The following ITPR1 variants were observed in gnomAD, a reference collection of about 807,000 sequenced individuals.
The protein encoded by ITPR1 is inositol 1,4,5-trisphosphate receptor type 1.
In ITPR1, 96 loss-of-function variants were observed where a neutral mutation model predicts 318.4. The observed-to-expected ratio is 0.30, with a 90% confidence interval of 0.26 to 0.36. The LOEUF is 0.36. Among genes scored for constraint, ITPR1 ranks in the 10% least tolerant of loss-of-function variants. The pLI is 1.00. For synonymous variants in ITPR1, 1,312 were observed against 1,289.9 expected (o/e 1.02, Z -0.37); for missense variants, 2,440 against 3,460.2 (o/e 0.71, Z 7.40).
rs1170056395 is a variant in ITPR1 at position 4,840,028 on chromosome 3, GCTTTTTTTTTTTTTTT to G, written c.8190+3094_8190+3109del. 8.1e-4 allele frequency among the ~76,000 whole-genome samples: 34 copies of G among 42,214 alleles called. No individual in the cohort carries two copies. The Admixed American group carries it at 0.011, about 14-fold the overall frequency. 27.7% of individuals were successfully genotyped at this position (42,214 alleles called of 152,430 possible). ...ATTACAGGAAAAATTCAGCATAGCTGCTTTTTTTTTTTTTTTTTTTTTTTTTTTTTGAGGGGGCAGG... is the reference window on the plus strand; with the variant it reads ...ATTACAGGAAAAATTCAGCATAGCTGTTTTTTTTTTTTTTGAGGGGGCAGG... On this transcript the variant is annotated intron_variant, in intron 61 of 61. Transcript: ENST00000649015.
At chr3:4,823,653 G>T (rs1000103041) in intron 60 of ITPR1, among the ~76,000 whole-genome samples, 1 of 152,152 alleles carries the variant, frequency 6.6e-6, no homozygotes, top group African/African-American at 2.4e-5. Flanking sequence ...AGATAACAGA[G>T]ACTGGGAAGA....
intron 53 of ITPR1, among the ~76,000 whole-genome samples, chr3:4,795,863 G>A (rs2047866231): frequency 2.0e-5 from 3 of 152,156 alleles, no homozygotes; most frequent in Non-Finnish European, 4.4e-5. Flanking sequence ...GGGGCCCCTC[G>A]ACAAGCATTC....
chr3:4,763,150 A>G (rs1383414222), intron 44 of ITPR1, among the ~76,000 whole-genome samples: 3 of 152,212 alleles, frequency 2.0e-5, no homozygotes, highest in Non-Finnish European at 2.9e-5. Flanking sequence ...GAGCTGAACA[A>G]TGAGAACACA....
intron 4 of ITPR1, among the ~76,000 whole-genome samples, chr3:4,588,798 G>A (rs2090138849): frequency 2.0e-5 from 3 of 151,768 alleles, no homozygotes; most frequent in Non-Finnish European, 4.4e-5. Flanking sequence ...TCCATCCCTG[G>A]TCTTCCCCAT....
intron 61 of ITPR1, among the ~76,000 whole-genome samples, chr3:4,843,011 G>C (rs2051465666): frequency 6.6e-6 from 1 of 151,238 alleles, no homozygotes; most frequent in Non-Finnish European, 1.5e-5. Flanking sequence ...AGAAACCTAA[G>C]CGTCCAGAAT....
rs76752042 is a variant in ITPR1, at chr3:4,776,508, G to A, written c.6181-756G>A. ...GGGGAGCCAGGCCCTTCATTCAGAGGAGAACGGTTTATGAGAGACAACTCA... is the reference window on the plus strand; with the variant it reads ...GGGGAGCCAGGCCCTTCATTCAGAGAAGAACGGTTTATGAGAGACAACTCA... On this transcript the variant is annotated intron_variant, in intron 47 of 61. Transcript: ENST00000649015. Among the ~76,000 whole-genome samples, 314 of 152,332 alleles carry A rather than the reference G, an allele frequency of 2.1e-3. 9 individuals are homozygous for A. The East Asian group carries it at 0.051, about 25-fold the overall frequency.
chr3:4,635,070 G>A (rs962602201), intron 5 of ITPR1, among the ~76,000 whole-genome samples: 2 of 152,110 alleles, frequency 1.3e-5, no homozygotes, highest in Non-Finnish European at 2.9e-5. Context: ...TGGCTACACG[G>A]TTACTTCCTT....
intron 54 of ITPR1, among the ~76,000 whole-genome samples, chr3:4,805,312 C>T (rs985687420): frequency 5.9e-5 from 9 of 152,142 alleles, no homozygotes; most frequent in Non-Finnish European, 1.3e-4. Flanking sequence ...CACAGCTGCT[C>T]AGGTTCAAGG....
rs1007107382 is a variant in ITPR1 at position 4,833,046 on chromosome 3, T to C, written c.8029-3728T>C. On this transcript the variant is annotated intron_variant, in intron 60 of 61. Coordinates refer to ENST00000649015, the MANE Select transcript of ITPR1 (RefSeq NM_001378452.1). ...CCACAGTTCTTGGACTAAAGCAGCT[T>C]GAGAATAGAGACCTTGTCTTTCTCA... 1.1e-4 allele frequency among the ~76,000 whole-genome samples: 17 copies of C among 152,350 alleles called. 5 individuals are homozygous for C.
At chr3:4,559,967 T>C (rs1427675589) in intron 4 of ITPR1, among the ~76,000 whole-genome samples, 3 of 152,332 alleles carry the variant, frequency 2.0e-5, no homozygotes, top group Admixed American at 2.0e-4. Context: ...AGAGCCAGAC[T>C]GCTTGGTTTT....
intron 4 of ITPR1, among the ~76,000 whole-genome samples, chr3:4,626,786 C>G (rs1407505678): frequency 6.6e-6 from 1 of 152,184 alleles, no homozygotes; most frequent in East Asian, 1.9e-4. Context: ...CAAGAGACCA[C>G]TGCCCTAGGA....
intron 54 of ITPR1, among the ~76,000 whole-genome samples, chr3:4,801,994 C>A (rs1350071295): frequency 6.6e-6 from 1 of 152,092 alleles, no homozygotes; most frequent in East Asian, 1.9e-4. Context: ...AAGTCACTTG[C>A]AGCACTGAAT....
intron 2 of ITPR1, among the ~76,000 whole-genome samples, chr3:4,500,068 C>T (rs147372002): frequency 2.1e-4 from 32 of 152,314 alleles, no homozygotes; most frequent in African/African-American, 7.7e-4. Flanking sequence ...TCGACACAGC[C>T]CTTGTTGTCT....
intron 10 of ITPR1, among the ~76,000 whole-genome samples, chr3:4,650,606 A>AGT (rs1177734281): frequency 0.011 from 1,527 of 137,272 alleles, 32 homozygotes; most frequent in African/African-American, 0.042. Context: ...GATATGCCTT[A>AGT]GTGTGTGTGT....
intron 4 of ITPR1, among the ~76,000 whole-genome samples, chr3:4,575,935 G>A (rs977663483): frequency 6.6e-6 from 1 of 151,564 alleles, no homozygotes; most frequent in Non-Finnish European, 1.5e-5. Context: ...CAGGAGGATC[G>A]CTTGGGCCCG....
chr3:4,507,831 T>A (rs187352756), intron 2 of ITPR1, among the ~76,000 whole-genome samples: 3 of 152,366 alleles, frequency 2.0e-5, no homozygotes, highest in Admixed American at 6.5e-5. Context: ...TCTTAGGTTC[T>A]GTCATAACTG....
At chr3:4,706,476 G>C in intron 37 of ITPR1, 125 bp downstream of exon 37, 1 of 802,698 alleles carries the variant, frequency 1.2e-6, no homozygotes, top group Non-Finnish European at 1.9e-6. Flanking sequence ...TGTGCTGAAC[G>C]AATAGTCAAA....
intron 4 of ITPR1, among the ~76,000 whole-genome samples, chr3:4,594,210 C>G (rs538727032): frequency 6.6e-6 from 1 of 152,280 alleles, no homozygotes; most frequent in African/African-American, 2.4e-5. Context: ...GCTTCAGTAA[C>G]CCAGTTTTAG....
chr3:4,631,797 G>C (rs2093023387), intron 5 of ITPR1, among the ~76,000 whole-genome samples: 1 of 152,024 alleles, frequency 6.6e-6, no homozygotes, highest in African/African-American at 2.4e-5. Flanking sequence ...AAATGGAGTG[G>C]GGTGCTAGGT....
Sources: allele counts gnomAD v4.1 joint callset (sites outside exome capture counted in the v4.1 genomes callset), GRCh38; gene constraint gnomAD v4.1.1; transcripts MANE v1.5; gene names NCBI Gene and HGNC (gene_info 2026-07-23, HGNC 2026-07-21).